The following CASD1 variants were observed in gnomAD, a reference collection of about 807,000 sequenced individuals.
The protein encoded by CASD1 is CAS1 domain sialic acid O acetyltransferase 1.
In CASD1, 41 loss-of-function variants were observed where a neutral mutation model predicts 100.0. The observed-to-expected ratio is 0.41, with a 90% CI of 0.32 to 0.53. CASD1 has a LOEUF of 0.53. CASD1 is among the 20% of genes least tolerant of loss of function. The pLI is 0.25. For synonymous variants in CASD1, 321 were observed against 315.6 expected (o/e 1.02, Z -0.18); for missense variants, 774 against 948.7 (o/e 0.82, Z 2.42).
At chr7:94,571,012 TC>T in the CASD1 span, among the ~76,000 whole-genome samples, 8 of 151,976 alleles carry the variant, frequency 5.3e-5, 1 homozygote, top group Admixed American at 3.3e-4. Flanking sequence ...CTTCAGCTTT[TC>T]TTTATCTGGA....
Position 94,533,266 on chromosome 7 carries a change from A to G in CASD1, c.504+17A>G, listed in dbSNP as rs369018635. On this transcript the variant is annotated intron_variant, in intron 6 of 17. Coordinates refer to ENST00000297273, the MANE Select transcript of CASD1 (RefSeq NM_022900.5). ...GCTGCCACAGTAAGTTATCATCTGT[A>G]TTCTTACTTAATGATTTTGTTTCAC... 4 of 1,592,054 alleles carry G rather than the reference A, an allele frequency of 2.5e-6. No homozygotes were observed. In the African/African-American group the frequency reaches 4.0e-5, roughly 16 times the overall value.
intron 15 of CASD1, 88 bp downstream of exon 15, chr7:94,551,566 A>T (rs1584434493): frequency 1.8e-6 from 1 of 551,106 alleles, no homozygotes; most frequent in East Asian, 4.0e-5. Flanking sequence ...TTTAATAATA[A>T]ATCTTTTTTT....
the CASD1 span, among the ~76,000 whole-genome samples, chr7:94,602,586 GAAAA>G: frequency 7.1e-6 from 1 of 140,772 alleles, no homozygotes. Context: ...AATATGAAAA[GAAAA>G]AAAAAACAAA....
At chr7:94,600,380 A>G in the CASD1 span, 2 of 403,182 alleles carry the variant, frequency 5.0e-6, no homozygotes, top group South Asian at 2.6e-5. Flanking sequence ...TCTAGCCTCA[A>G]TTATTCTTGG....
At chr7:94,519,671 T>TC (rs1355247101) in intron 3 of CASD1, among the ~76,000 whole-genome samples, 1 of 152,044 alleles carries the variant, frequency 6.6e-6, no homozygotes, top group Non-Finnish European at 1.5e-5. Flanking sequence ...TTTTTAATAA[T>TC]TAAAAAAATT....
At chr7:94,566,245 TC>T in the CASD1 span, among the ~76,000 whole-genome samples, 1 of 152,136 alleles carries the variant, frequency 6.6e-6, no homozygotes, top group Non-Finnish European at 1.5e-5. Context: ...GGGAATAGAA[TC>T]ATGTATATGT....
chr7:94,592,306 A>G, the CASD1 span, among the ~76,000 whole-genome samples: 1 of 152,224 alleles, frequency 6.6e-6, no homozygotes, highest in African/African-American at 2.4e-5. Context: ...GTTAAGATGC[A>G]GAGAATGCAG....
intron 5 of CASD1, among the ~76,000 whole-genome samples, chr7:94,529,100 C>T (rs918088080): frequency 6.6e-6 from 1 of 152,032 alleles, no homozygotes; most frequent in Non-Finnish European, 1.5e-5. Context: ...TAGACAACTT[C>T]TAGAATTCAA....
At chr7:94,609,543 C>G in the CASD1 span, among the ~76,000 whole-genome samples, 2 of 152,128 alleles carry the variant, frequency 1.3e-5, no homozygotes, top group African/African-American at 4.8e-5. Flanking sequence ...AAAACAACAA[C>G]AACAAAAAGC....
At chr7:94,552,308 A>G (rs369473240) in intron 15 of CASD1, 42 bp from the exon 16 acceptor site, 7 of 1,404,126 alleles carry the variant, frequency 5.0e-6, no homozygotes, top group Non-Finnish European at 7.0e-6. Flanking sequence ...TGCCTCTTCC[A>G]GACTTGCTTT....
At chr7:94,583,350 A>G in the CASD1 span, among the ~76,000 whole-genome samples, 1 of 152,202 alleles carries the variant, frequency 6.6e-6, no homozygotes, top group African/African-American at 2.4e-5. Flanking sequence ...ACTGCCCAGT[A>G]CCATTACTGA....
chr7:94,541,452 TATGAAATATAG>T (rs1421053562), intron 10 of CASD1, among the ~76,000 whole-genome samples: 55 of 150,374 alleles, frequency 3.7e-4, no homozygotes, highest in Middle Eastern at 3.6e-3. Context: ...GTATAATATA[TATGAAATATAG>T]ATGAAATGTT....
At chr7:94,537,927 C>A in intron 9 of CASD1, 33 bp downstream of exon 9, 3 of 1,194,038 alleles carry the variant, frequency 2.5e-6, no homozygotes, top group East Asian at 2.3e-5. Flanking sequence ...CTCATGTTAC[C>A]CTTCTTGTCT....
At chr7:94,558,249 A>T (rs1431171956), downstream of CASD1, among the ~76,000 whole-genome samples, 1 of 152,188 alleles carries the variant, frequency 6.6e-6, no homozygotes, top group East Asian at 1.9e-4. Context: ...TTCTCGAATG[A>T]CTTTATACTA....
At chr7:94,601,549 G>T in the CASD1 span, among the ~76,000 whole-genome samples, 1 of 145,388 alleles carries the variant, frequency 6.9e-6, no homozygotes, top group Non-Finnish European at 1.5e-5. Flanking sequence ...ATTTAATTAT[G>T]CTAAGGTTTT....
chr7:94,618,935 G>A, the CASD1 span: 1 of 1,613,172 alleles, frequency 6.2e-7, no homozygotes, highest in South Asian at 1.1e-5. Flanking sequence ...GAAGAATTCT[G>A]CTTGATATGG....
At chr7:94,536,040 C>T (rs1037777323) in intron 8 of CASD1, among the ~76,000 whole-genome samples, 4 of 152,050 alleles carry the variant, frequency 2.6e-5, no homozygotes, top group African/African-American at 9.7e-5. Flanking sequence ...GTCAGGAGTT[C>T]GAGACTAGCC....
At chr7:94,623,378 C>T in the CASD1 span, 251 of 1,603,464 alleles carry the variant, frequency 1.6e-4, 2 homozygotes, top group South Asian at 2.1e-3. Flanking sequence ...CTCAAAGGTG[C>T]GCCTGTTGTA....
chr7:94,598,316 C>A, the CASD1 span: 1 of 186,990 alleles, frequency 5.3e-6, no homozygotes, highest in East Asian at 1.5e-4. Context: ...CTCTGACATA[C>A]AAGCAGATCA....
Sources: gnomAD v4.1 joint callset for allele counts (sites outside exome capture counted in the v4.1 genomes callset) on GRCh38, gnomAD v4.1.1 for gene constraint, MANE v1.5 for transcripts, NCBI Gene and HGNC (gene_info 2026-07-23, HGNC 2026-07-21) for gene names.